The following PCDHA2 variants were observed in gnomAD, a reference collection of about 807,000 sequenced individuals.
PCDHA2 encodes protocadherin alpha-2.
Under a neutral mutation model 66.0 loss-of-function variants are expected in PCDHA2, and 58 were observed. That is an observed-to-expected ratio of 0.88 (90% CI 0.71 to 1.09). The LOEUF (loss-of-function observed/expected upper bound fraction) is 1.09, where lower values mean the gene tolerates loss of function less well. PCDHA2 is among the 50% of genes least tolerant of loss of function. The pLI is 0.00. For missense variants in PCDHA2, 1,267 were observed against 1,242.3 expected (o/e 1.02, Z -0.30); for synonymous variants, 634 against 554.0 (o/e 1.14, Z -2.03).
In PCDHA2 at chr5:140,849,939, G is replaced by T; in HGVS notation, c.2388+52587G>T. On this transcript the variant is annotated intron_variant, in intron 1 of 3. Coordinates refer to ENST00000526136, the MANE Select transcript of PCDHA2 (RefSeq NM_018905.3). ...CATCTTCACGGTGTCTGCGCGGGAC[G>T]CTGACGCGCAGGAGAACGCCCTGGT... The T allele has an allele frequency of 6.3e-7, 1 of 1,598,036 alleles. No homozygotes were observed. The highest frequency in any genetic ancestry group is 8.6e-7 in the Non-Finnish European group (1 of 1,167,746).
rs1252863979 is a variant in PCDHA2, at chr5:140,839,702, T to C, written c.2388+42350T>C. Among the ~76,000 whole-genome samples the C allele has an allele frequency of 2.6e-5, 4 of 152,086 alleles. 1 individual carries two copies. Among genetic ancestry groups the C allele is most frequent in the Non-Finnish European group, 5.9e-5 (4 of 68,020 alleles). On this transcript the variant is annotated intron_variant, in intron 1 of 3. Transcript: ENST00000526136. ...CAGAGATTTTTTTGGGTAAATAATG[T>C]GATGACAAATTTAAATCATTTCACA...
intron 1 of PCDHA2, among the ~76,000 whole-genome samples, chr5:140,909,973 G>A (rs2074802854): frequency 6.6e-6 from 1 of 152,198 alleles, no homozygotes; most frequent in Admixed American, 6.5e-5. Context: ...GGGGAAGGAT[G>A]GGAGAAAGAC....
At chr5:140,900,014 T>C (rs1002415971) in intron 1 of PCDHA2, among the ~76,000 whole-genome samples, 1 of 152,032 alleles carries the variant, frequency 6.6e-6, no homozygotes, top group African/African-American at 2.4e-5. Flanking sequence ...CTCACTTTGT[T>C]ACCCAGTTTG....
intron 1 of PCDHA2, among the ~76,000 whole-genome samples, chr5:140,897,650 C>T (rs1293190913): frequency 3.3e-5 from 5 of 152,036 alleles, no homozygotes; most frequent in Non-Finnish European, 7.4e-5. Context: ...AATAAACATA[C>T]GTGTGCATGT....
chr5:140,857,101 C>T (rs781855221), intron 1 of PCDHA2: 2 of 1,597,612 alleles, frequency 1.3e-6, no homozygotes, highest in Non-Finnish European at 1.7e-6. Flanking sequence ...AGGTGATTGT[C>T]ACTTCTCTGT....
intron 1 of PCDHA2, chr5:140,823,318 A>G (rs145418999): frequency 1.8e-5 from 29 of 1,611,994 alleles, no homozygotes; most frequent in Non-Finnish European, 2.4e-5. Context: ...GGAGAGCGGC[A>G]AGGTGTACGC....
intron 1 of PCDHA2, chr5:140,967,260 C>G: frequency 6.2e-7 from 1 of 1,613,500 alleles, no homozygotes; most frequent in Non-Finnish European, 8.5e-7. Flanking sequence ...GCGCCTGGAG[C>G]GCGCTTTCAC....
rs1554148611 is a variant in PCDHA2, at chr5:140,856,378, C to A, written c.2388+59026C>A. 3 of 1,598,456 alleles carry A rather than the reference C, an allele frequency of 1.9e-6. 1 individual carries two copies. Among genetic ancestry groups the A allele is most frequent in the South Asian group, 2.2e-5 (2 of 90,536 alleles). ...GCATCCACCTGGAGGTGATCGTGGA[C>A]AGGCCGCTGCAGGTTTTCCATGTGG... On this transcript the variant is annotated intron_variant, in intron 1 of 3. Coordinates refer to ENST00000526136, the MANE Select transcript of PCDHA2 (RefSeq NM_018905.3).
At chr5:140,861,696 G>C (rs2047025266) in intron 1 of PCDHA2, 1 of 223,632 alleles carries the variant, frequency 4.5e-6, no homozygotes, top group South Asian at 6.6e-5. Context: ...GAGGGTGTCT[G>C]TGATGCCGAC....
chr5:140,848,422 G>C, intron 1 of PCDHA2: 1 of 1,425,074 alleles, frequency 7.0e-7, no homozygotes, highest in Middle Eastern at 1.8e-4. Flanking sequence ...AGCAGAATGG[G>C]ACTGACGAAA....
At chr5:140,837,021 T>C (rs1774876437) in intron 1 of PCDHA2, 2 of 263,032 alleles carry the variant, frequency 7.6e-6, no homozygotes, top group Non-Finnish European at 1.4e-5. Flanking sequence ...ACCTTTCTTC[T>C]ATAGTGTATT....
intron 1 of PCDHA2, chr5:140,807,847 C>T (rs782247861): frequency 1.2e-6 from 2 of 1,614,116 alleles, no homozygotes; most frequent in East Asian, 2.2e-5. Flanking sequence ...GAGGCAAACC[C>T]GAGTTGACTG....
chr5:140,835,835 G>T (rs2150246191), intron 1 of PCDHA2: 3 of 1,612,346 alleles, frequency 1.9e-6, no homozygotes, highest in African/African-American at 1.3e-5. Context: ...ACGCGGACGC[G>T]CAGAAGAACG....
chr5:140,812,086 T>G (rs1198053589), intron 1 of PCDHA2: 4 of 151,976 alleles, frequency 2.6e-5, no homozygotes, highest in African/African-American at 7.2e-5. Context: ...AAAACAATTA[T>G]CATTGATTCT....
Position 140,998,902 on chromosome 5 carries a change from C to T in PCDHA2, c.2537-10725C>T, listed in dbSNP as rs148715237. On this transcript the variant is annotated intron_variant, in intron 3 of 3. Coordinates refer to ENST00000526136, the MANE Select transcript of PCDHA2 (RefSeq NM_018905.3). ...TTAGTTGAATAAATAACAATGCCTC[C>T]GGGAGGTAGCTATTATATCCATTTT... Among the ~76,000 whole-genome samples the T allele has an allele frequency of 4.2e-3, 632 of 152,216 alleles. 5 individuals are homozygous for T. Among genetic ancestry groups the T allele is most frequent in the African/African-American group, 0.014 (572 of 41,540 alleles).
chr5:140,886,689 G>T (rs1267444522), intron 1 of PCDHA2, among the ~76,000 whole-genome samples: 1 of 152,022 alleles, frequency 6.6e-6, no homozygotes, highest in Admixed American at 6.5e-5. Context: ...AGCGAGGCAT[G>T]GTGGCACGCG....
At chr5:140,872,425 G>A (rs1280008446) in intron 1 of PCDHA2, among the ~76,000 whole-genome samples, 3 of 151,980 alleles carry the variant, frequency 2.0e-5, no homozygotes, top group African/African-American at 7.3e-5. Flanking sequence ...CCAAGAGTTC[G>A]AGGCCTGCCT....
chr5:140,876,259 C>T (rs1554168431), intron 1 of PCDHA2: 7 of 1,613,952 alleles, frequency 4.3e-6, no homozygotes, highest in South Asian at 1.1e-5. Flanking sequence ...AAGAGTGATC[C>T]AACTAAATGC....
At chr5:140,857,380 G>A (rs138042594) in intron 1 of PCDHA2, 8 of 1,598,488 alleles carry the variant, frequency 5.0e-6, no homozygotes, top group Middle Eastern at 1.7e-4. Flanking sequence ...CTGTGGAGGT[G>A]GCCGACGTGA....
Sources: allele counts gnomAD v4.1 joint callset (sites outside exome capture counted in the v4.1 genomes callset), GRCh38; gene constraint gnomAD v4.1.1; transcripts MANE v1.5; gene names NCBI Gene and HGNC (gene_info 2026-07-23, HGNC 2026-07-21).